Variants in TCF4 observed in about 807,000 individuals in gnomAD.
TCF4 encodes SL3-3 enhancer factor 2.
Under a neutral mutation model 82.1 loss-of-function variants are expected in TCF4, and 3 were observed. The observed-to-expected ratio is 0.04, with a 90% CI of 0.02 to 0.09. The LOEUF is 0.09. Ranked by LOEUF, TCF4 falls within the 10% of genes least tolerant of loss-of-function variation. The pLI, the probability that TCF4 is intolerant of heterozygous loss-of-function variation, is 1.00. For missense variants in TCF4, 518 were observed against 852.7 expected, an observed-to-expected ratio of 0.61 and a Z score of 4.89; for synonymous variants, 276 against 309.6, an observed-to-expected ratio of 0.89 and a Z score of 1.14.
intron 2 of TCF4, among the ~76,000 whole-genome samples, chr18:55,621,626 A>AT (rs2097719526): frequency 2.8e-4 from 16 of 56,952 alleles, no homozygotes; most frequent in African/African-American, 1.0e-3. Context: ...TATTATATAT[A>AT]ATATATATAT....
intron 15 of TCF4, among the ~76,000 whole-genome samples, chr18:55,250,465 A>G (rs1467518950): frequency 1.3e-5 from 2 of 152,252 alleles, no homozygotes; most frequent in African/African-American, 4.8e-5. Context: ...TCTCATAGAT[A>G]ATCTCTGGAG....
chr18:55,510,502 T>C, intron 3 of TCF4: 1 of 1,135,710 alleles, frequency 8.8e-7, no homozygotes, highest in African/African-American at 1.6e-5. Context: ...TTCAAACTTC[T>C]AAGGATACAG....
At chr18:55,381,980 T>C (rs914910321) in intron 6 of TCF4, among the ~76,000 whole-genome samples, 2 of 151,934 alleles carry the variant, frequency 1.3e-5, no homozygotes, top group Non-Finnish European at 2.9e-5. Context: ...CTGGACTAGG[T>C]GAGAATACTT....
At chr18:55,412,338 T>A (rs911096655) in intron 5 of TCF4, among the ~76,000 whole-genome samples, 5 of 150,420 alleles carry the variant, frequency 3.3e-5, no homozygotes, top group Non-Finnish European at 4.4e-5. Context: ...TCATCTCCAA[T>A]AATGAAGGCT....
Position 55,463,977 on chromosome 18 carries a change from TGA to T in TCF4, c.207+97_207+98del, listed in dbSNP as rs1555671780. The T allele has an allele frequency of 1.2e-3, 373 of 302,614 alleles. 1 individual carries two copies. The highest frequency in any genetic ancestry group is 2.9e-3 in the Middle Eastern group (3 of 1,046). 18.7% of individuals were successfully genotyped at this position (302,614 alleles called of 1,614,324 possible). ...GTGTGTGTGTGTGTGTGTGTGTGTG[TGA>T]GAGAGAGAGAGAGAGAGAGAGAGAA... On this transcript the variant is annotated intron_variant, in intron 4 of 19. Transcript: ENST00000354452.
At chr18:55,436,443 A>C (rs2095331188) in intron 5 of TCF4, among the ~76,000 whole-genome samples, 1 of 152,242 alleles carries the variant, frequency 6.6e-6, no homozygotes, top group South Asian at 2.1e-4. Flanking sequence ...AAAACAAGTA[A>C]ATAAAATTTC....
intron 15 of TCF4, among the ~76,000 whole-genome samples, chr18:55,237,467 CTTT>C (rs538071929): frequency 1.8e-4 from 22 of 122,632 alleles, no homozygotes; most frequent in African/African-American, 4.6e-4. Flanking sequence ...GTTGTTCTGA[CTTT>C]TTTTTTTTTT....
intron 14 of TCF4, among the ~76,000 whole-genome samples, chr18:55,256,175 T>C (rs2056779064): frequency 6.6e-6 from 1 of 152,164 alleles, no homozygotes; most frequent in South Asian, 2.1e-4. Context: ...GGCTCACAGC[T>C]TCCTGGTAGA....
At chr18:55,435,623 C>T (rs920089786) in intron 5 of TCF4, among the ~76,000 whole-genome samples, 1 of 152,198 alleles carries the variant, frequency 6.6e-6, no homozygotes, top group Non-Finnish European at 1.5e-5. Flanking sequence ...GAGCCTACTC[C>T]TCATACCCTT....
intron 3 of TCF4, among the ~76,000 whole-genome samples, chr18:55,506,883 G>C (rs1229436108): frequency 2.8e-5 from 4 of 143,130 alleles, no homozygotes; most frequent in African/African-American, 1.0e-4. Context: ...TTTTTTTTGA[G>C]ATGGAGGCTT....
intron 3 of TCF4, among the ~76,000 whole-genome samples, chr18:55,555,979 A>G (rs1427051426): frequency 3.9e-5 from 6 of 152,164 alleles, no homozygotes; most frequent in African/African-American, 1.4e-4. Context: ...AGTTCTTTCT[A>G]TTTGTAGTTT....
At chr18:55,398,923 A>C (rs2146352936) in intron 6 of TCF4, among the ~76,000 whole-genome samples, 1 of 152,344 alleles carries the variant, frequency 6.6e-6, no homozygotes, top group East Asian at 1.9e-4. Context: ...AGGCCCTGCA[A>C]GGGAGAGCTT....
In TCF4 at chr18:55,224,468, T is replaced by C. The variant is rs1156259549; in HGVS notation, c.*3567A>G. ...GCTTCCAGTCAGCCAGCAGACTAAA[T>C]TTTTGTGCTTGTTTATGCTGAAATT... On this transcript the variant is annotated 3_prime_UTR_variant, in exon 20 of 20. Transcript: ENST00000354452. 6.6e-6 allele frequency: 1 copy of C among 152,626 alleles called. No homozygotes were observed. The highest frequency in any genetic ancestry group is 1.5e-5 in the Non-Finnish European group (1 of 68,016). The allele number at this position is 152,626 out of a possible 1,614,324, so 9.5% of individuals were successfully genotyped here.
At chr18:55,533,290 G>T (rs2097085828) in intron 3 of TCF4, among the ~76,000 whole-genome samples, 1 of 152,126 alleles carries the variant, frequency 6.6e-6, no homozygotes, top group Admixed American at 6.5e-5. Context: ...AAGCACTCTG[G>T]CTTCTATCAA....
chr18:55,394,897 GTTAT>G (rs1569347370), intron 6 of TCF4, among the ~76,000 whole-genome samples: 2 of 152,160 alleles, frequency 1.3e-5, no homozygotes. Context: ...TTCTAAGCAG[GTTAT>G]CACTATCAGG....
intron 8 of TCF4, among the ~76,000 whole-genome samples, chr18:55,280,399 A>G (rs903632061): frequency 6.6e-6 from 1 of 152,198 alleles, no homozygotes; most frequent in Non-Finnish European, 1.5e-5. Context: ...GAGACTTGGG[A>G]AACCAATTCT....
At chr18:55,519,982 T>C (rs1226023645) in intron 3 of TCF4, among the ~76,000 whole-genome samples, 1 of 152,194 alleles carries the variant, frequency 6.6e-6, no homozygotes, top group Admixed American at 6.5e-5. Flanking sequence ...GCTATAAGAA[T>C]CTTCTCATCC....
chr18:55,618,426 T>C (rs2097714306), intron 2 of TCF4, among the ~76,000 whole-genome samples: 1 of 152,184 alleles, frequency 6.6e-6, no homozygotes, highest in Non-Finnish European at 1.5e-5. Context: ...TTTTCTTATC[T>C]CTTTGTATCA....
intron 2 of TCF4, among the ~76,000 whole-genome samples, chr18:55,622,503 T>TAAAAAA (rs765415861): frequency 9.0e-6 from 1 of 110,572 alleles, no homozygotes. Flanking sequence ...GACTCAATCT[T>TAAAAAA]AAAAAAAAAA....
Sources: allele counts gnomAD v4.1 joint callset (sites outside exome capture counted in the v4.1 genomes callset), GRCh38; gene constraint gnomAD v4.1.1; transcripts MANE v1.5; gene names NCBI Gene and HGNC (gene_info 2026-07-23, HGNC 2026-07-21).